STK24: variants seen among roughly 807,000 people sequenced by gnomAD.
The protein encoded by STK24 is serine/threonine-protein kinase 24.
A neutral mutation model predicts 55.6 loss-of-function variants in STK24; 21 were observed. The observed-to-expected ratio is 0.38, with a 90% confidence interval of 0.27 to 0.54. The LOEUF (loss-of-function observed/expected upper bound fraction) is 0.54, where lower values mean the gene tolerates loss of function less well. Ranked by LOEUF, STK24 falls within the 20% of genes least tolerant of loss-of-function variation. The pLI is 0.79. For missense variants in STK24, 383 were observed against 538.4 expected (o/e 0.71, Z 2.86); for synonymous variants, 200 against 215.2 (o/e 0.93, Z 0.62).
intron 9 of STK24, among the ~76,000 whole-genome samples, chr13:98,459,007 C>T (rs1296837912): frequency 1.3e-5 from 2 of 152,210 alleles, no homozygotes; most frequent in South Asian, 2.1e-4. Flanking sequence ...CAGGATATGA[C>T]GGCGTTTAGG....
At position 98,469,543 on chromosome 13, in the gene STK24, C is replaced by CG. The variant is rs1555302519; in HGVS notation, c.598-2983_598-2982insC. Among the ~76,000 whole-genome samples, 650 of 136,350 alleles carry CG rather than the reference C, an allele frequency of 4.8e-3. 4 individuals are homozygous for CG. Among genetic ancestry groups the CG allele is most frequent in the African/African-American group, 0.013 (517 of 38,756 alleles). 89.5% of individuals were successfully genotyped at this position (136,350 alleles called of 152,430 possible). ...AGAGCAAGACCCTGCATCCCCCCCCCCAAAAAAAAAAGGCGGCGGGGGGAG... is the reference window on the plus strand; with the variant it reads ...AGAGCAAGACCCTGCATCCCCCCCCCGCAAAAAAAAAAGGCGGCGGGGGGAG... On this transcript the variant is annotated intron_variant, in intron 5 of 10. Transcript: ENST00000539966.
intron 3 of STK24, among the ~76,000 whole-genome samples, chr13:98,478,900 C>T (rs1245825730): frequency 6.6e-6 from 1 of 152,194 alleles, no homozygotes; most frequent in Non-Finnish European, 1.5e-5. Flanking sequence ...CCCTCGCCTG[C>T]ATTGTTTTCC....
At chr13:98,498,482 C>T (rs1895330296) in intron 2 of STK24, among the ~76,000 whole-genome samples, 2 of 152,198 alleles carry the variant, frequency 1.3e-5, no homozygotes, top group African/African-American at 4.8e-5. Context: ...TACAAGTTGA[C>T]CTCCCAGACT....
rs1452380059 is a variant in STK24 at position 98,449,084 on chromosome 13, A to ATAAT, written c.*4085_*4088dup. On this transcript the variant is annotated 3_prime_UTR_variant, in exon 11 of 11. Coordinates refer to ENST00000539966, the MANE Select transcript of STK24 (RefSeq NM_001032296.4). Reference sequence around the variant, plus strand: ...TGTGAGTGGTGTACACAATGGGAAGATAATAAGCCGTGGTGTTTTGCTGTC... The same window carrying ATAAT: ...TGTGAGTGGTGTACACAATGGGAAGATAATTAATAAGCCGTGGTGTTTTGCTGTC... The ATAAT allele has an allele frequency of 1.3e-5, 2 of 152,236 alleles. No individual in the cohort carries two copies. The highest frequency in any genetic ancestry group is 4.8e-5 in the African/African-American group (2 of 41,452). The allele number at this position is 152,236 out of a possible 1,614,324, so 9.4% of individuals were successfully genotyped here.
chr13:98,465,086 G>A (rs1893879099), intron 6 of STK24, among the ~76,000 whole-genome samples: 1 of 152,148 alleles, frequency 6.6e-6, no homozygotes, highest in African/African-American at 2.4e-5. Flanking sequence ...TGAGGATGGC[G>A]ATAGTGACAG....
At chr13:98,482,704 A>G (rs1326145751) in intron 2 of STK24, among the ~76,000 whole-genome samples, 1 of 152,220 alleles carries the variant, frequency 6.6e-6, no homozygotes, top group Non-Finnish European at 1.5e-5. Flanking sequence ...GTGGTGTCAC[A>G]CACATCGGGA....
chr13:98,544,729 C>T (rs1473287112), intron 1 of STK24, among the ~76,000 whole-genome samples: 2 of 152,204 alleles, frequency 1.3e-5, no homozygotes, highest in African/African-American at 4.8e-5. Flanking sequence ...AAAATATTTC[C>T]GAATTCCCAA....
Position 98,445,971 on chromosome 13 carries a change from G to A in STK24, c.*7202C>T, listed in dbSNP as rs1892807907. The A allele has an allele frequency of 7.9e-6, 5 of 632,890 alleles. No individual in the cohort carries two copies. The highest frequency in any genetic ancestry group is 1.1e-5 in the Non-Finnish European group (4 of 354,782). The allele number at this position is 632,890 out of a possible 1,614,324, so 39.2% of individuals were successfully genotyped here. ...GTCTCCCCACACACGGGGGAGCGGG[G>A]GTGGGGCCCACATCCTTCAGTCACG... On this transcript the variant is annotated 3_prime_UTR_variant, in exon 11 of 11. Transcript: ENST00000539966.
intron 1 of STK24, among the ~76,000 whole-genome samples, chr13:98,524,235 C>T (rs953683256): frequency 6.6e-6 from 1 of 152,014 alleles, no homozygotes; most frequent in Non-Finnish European, 1.5e-5. Flanking sequence ...GTCTACACCC[C>T]CACCCCCCGA....
At chr13:98,458,553 CCGGCCCCGAGG>C (rs939137503) in intron 9 of STK24, among the ~76,000 whole-genome samples, 33 of 152,316 alleles carry the variant, frequency 2.2e-4, no homozygotes, top group African/African-American at 7.2e-4. Context: ...GGCCACGCCG[CCGGCCCCGAGG>C]CGGCCACTCG....
rs191168171 is a variant in STK24, at chr13:98,548,134, C to G, written c.42+28611G>C. On this transcript the variant is annotated intron_variant, in intron 1 of 10. Transcript: ENST00000539966. The stretch of plus-strand genomic sequence containing the variant: ...TCCACCTCTTACAAGTTATTTGCCT[C>G]TCTAGGCCTTAGTTTACTCACCTGT... Among the ~76,000 whole-genome samples the G allele has an allele frequency of 7.9e-5, 12 of 152,256 alleles. No individual in the cohort carries two copies. The East Asian group carries it at 2.3e-3, about 29-fold the overall frequency.
At chr13:98,574,477 C>T (rs780998271) in intron 1 of STK24, among the ~76,000 whole-genome samples, 99 of 152,264 alleles carry the variant, frequency 6.5e-4, no homozygotes, top group Non-Finnish European at 9.9e-4. Flanking sequence ...AGGGAAGCCT[C>T]CCAGGGCAGT....
chr13:98,480,040 C>T (rs1894527305), intron 3 of STK24, among the ~76,000 whole-genome samples: 1 of 152,130 alleles, frequency 6.6e-6, no homozygotes, highest in Non-Finnish European at 1.5e-5. Flanking sequence ...GTGAGGGTCT[C>T]CATTCCTGCA....
Position 98,460,445 on chromosome 13 carries a change from G to T in STK24, c.1054-5C>A, listed in dbSNP as rs374621912. 1 of 1,611,716 alleles carries T rather than the reference G, an allele frequency of 6.2e-7. No individual in the cohort carries two copies. The highest frequency in any genetic ancestry group is 8.5e-7 in the Non-Finnish European group (1 of 1,178,700). ...CCTCTTCGGGATGTCTTTCATCTTG[G>T]GGGAGAGGGAAAAAAAGGTCATCAG... is the stretch of plus-strand genomic sequence containing the variant. On this transcript the variant is annotated splice_polypyrimidine_tract_variant and splice_region_variant and intron_variant, in intron 8 of 10. Coordinates refer to ENST00000539966, the MANE Select transcript of STK24 (RefSeq NM_001032296.4).
Position 98,463,905 on chromosome 13 carries a change from C to T in STK24, c.784-69G>A. On this transcript the variant is annotated intron_variant, in intron 6 of 10. Transcript: ENST00000539966. ...TGGTCCTACCCCAAAGGACAGACTTCTGCCTCAAAATGTCAACCGCCACAC... is the reference window on the plus strand; with the variant it reads ...TGGTCCTACCCCAAAGGACAGACTTTTGCCTCAAAATGTCAACCGCCACAC... The T allele has an allele frequency of 5.8e-6, 9 of 1,555,510 alleles. No homozygotes were observed. The South Asian group carries it at 9.5e-5, about 16-fold the overall frequency.
intron 7 of STK24, among the ~76,000 whole-genome samples, chr13:98,463,036 G>C (rs904785674): frequency 9.2e-5 from 14 of 152,234 alleles, no homozygotes; most frequent in African/African-American, 3.4e-4. Context: ...AAACCACTTA[G>C]GGTCTCATCC....
At chr13:98,560,360 T>C (rs146288146) in intron 1 of STK24, among the ~76,000 whole-genome samples, 10 of 152,250 alleles carry the variant, frequency 6.6e-5, no homozygotes, top group Non-Finnish European at 1.3e-4. Flanking sequence ...TCAAAATGCA[T>C]ACAGTATGAT....
At chr13:98,503,056 T>G (rs1040693774) in intron 2 of STK24, among the ~76,000 whole-genome samples, 1 of 138,372 alleles carries the variant, frequency 7.2e-6, no homozygotes, top group African/African-American at 2.9e-5. Flanking sequence ...ATGGTACAAC[T>G]GACCACCAAC....
intron 2 of STK24, among the ~76,000 whole-genome samples, chr13:98,513,942 C>T (rs577885589): frequency 6.6e-6 from 1 of 152,178 alleles, no homozygotes; most frequent in Non-Finnish European, 1.5e-5. Flanking sequence ...AGGGCCAATA[C>T]AAGAGCATGA....
Sources: gnomAD v4.1 joint callset for allele counts (sites outside exome capture counted in the v4.1 genomes callset) on GRCh38, gnomAD v4.1.1 for gene constraint, MANE v1.5 for transcripts, NCBI Gene and HGNC (gene_info 2026-07-23, HGNC 2026-07-21) for gene names.